The following NCALD variants were observed in gnomAD, a reference collection of about 807,000 sequenced individuals.
The protein encoded by NCALD is neurocalcin-delta.
A neutral mutation model predicts 18.6 loss-of-function variants in NCALD; 10 were observed. That is an observed-to-expected ratio of 0.54 (90% CI 0.33 to 0.91). NCALD has a LOEUF of 0.91. Ranked by LOEUF, NCALD falls within the 40% of genes least tolerant of loss-of-function variation. NCALD has a pLI of 0.03. For missense variants in NCALD, 184 were observed against 247.6 expected (o/e 0.74, Z 1.72); for synonymous variants, 88 against 87.4 (o/e 1.01, Z -0.04).
intron 2 of NCALD, among the ~76,000 whole-genome samples, chr8:102,008,981 G>A (rs555538016): frequency 2.7e-3 from 329 of 122,520 alleles, no homozygotes; most frequent in African/African-American, 9.5e-3. Context: ...CCCTAAAAGG[G>A]AAGAGGAAAA....
chr8:102,100,005 G>A (rs78782239), intron 1 of NCALD, among the ~76,000 whole-genome samples: 8 of 146,656 alleles, frequency 5.5e-5, no homozygotes, highest in East Asian at 2.0e-4. Context: ...AGAAGAAGAA[G>A]AAGAAAAAGA....
At chr8:102,080,819 G>C (rs913019722) in intron 1 of NCALD, among the ~76,000 whole-genome samples, 8 of 152,218 alleles carry the variant, frequency 5.3e-5, no homozygotes, top group Admixed American at 6.5e-5. Context: ...GGGCTCTGAG[G>C]CTCCAGCTGG....
rs1410371529 is a variant in NCALD at position 101,928,259 on chromosome 8, G to C, written c.-156-12401C>G. On this transcript the variant is annotated intron_variant, in intron 2 of 6. Coordinates refer to the NCALD transcript ENST00000311028. ...CACAGCTAACCCGGTAGAAGAACTA[G>C]GATTTATGGCCAGGCTTGTCCCACT... Among the ~76,000 whole-genome samples the C allele has an allele frequency of 3.3e-5, 5 of 152,254 alleles. No individual in the cohort carries two copies. In the East Asian group the frequency reaches 9.6e-4, roughly 29 times the overall value.
chr8:101,972,783 C>T (rs1379477356), intron 2 of NCALD, among the ~76,000 whole-genome samples: 2 of 152,146 alleles, frequency 1.3e-5, no homozygotes, highest in East Asian at 1.9e-4. Flanking sequence ...GGCAATGCTC[C>T]AGTTGGTGCA....
At chr8:102,003,003 C>T (rs1424725792) in intron 2 of NCALD, among the ~76,000 whole-genome samples, 1 of 151,904 alleles carries the variant, frequency 6.6e-6, no homozygotes, top group Non-Finnish European at 1.5e-5. Flanking sequence ...CAAAAGCTAG[C>T]AGAAGGCAAG....
intron 2 of NCALD, among the ~76,000 whole-genome samples, chr8:102,019,193 G>A (rs1207274816): frequency 6.6e-6 from 1 of 151,954 alleles, no homozygotes; most frequent in Non-Finnish European, 1.5e-5. Flanking sequence ...ATAAGGAAAT[G>A]CAAATTTAAA....
At chr8:101,826,927 C>T (rs1378360762) in intron 4 of NCALD, among the ~76,000 whole-genome samples, 1 of 152,188 alleles carries the variant, frequency 6.6e-6, no homozygotes, top group Non-Finnish European at 1.5e-5. Context: ...AATGACCACA[C>T]AAGAAATAGA....
At chr8:102,065,941 T>A (rs1823994914) in intron 1 of NCALD, among the ~76,000 whole-genome samples, 1 of 152,264 alleles carries the variant, frequency 6.6e-6, no homozygotes, top group Non-Finnish European at 1.5e-5. Context: ...TATAACTGTA[T>A]ATGATTTTAT....
chr8:102,121,732 T>C (rs1017014535), intron 1 of NCALD, among the ~76,000 whole-genome samples: 2 of 152,216 alleles, frequency 1.3e-5, no homozygotes, highest in Non-Finnish European at 2.9e-5. Context: ...ATTGTTAGTC[T>C]GCCCCTCACC....
chr8:101,809,633 A>G (rs1813233214), intron 4 of NCALD, among the ~76,000 whole-genome samples: 1 of 152,118 alleles, frequency 6.6e-6, no homozygotes, highest in South Asian at 2.1e-4. Flanking sequence ...TGCAAACTTC[A>G]TCCCCCGGGT....
chr8:102,023,476 C>T (rs764945522), intron 1 of NCALD, among the ~76,000 whole-genome samples: 2 of 152,098 alleles, frequency 1.3e-5, no homozygotes, highest in Non-Finnish European at 2.9e-5. Context: ...CTGGCAAAGA[C>T]AAATAAATAA....
chr8:101,941,705 T>G (rs1435546726), intron 2 of NCALD, among the ~76,000 whole-genome samples: 1 of 152,126 alleles, frequency 6.6e-6, no homozygotes, highest in African/African-American at 2.4e-5. Context: ...CAAAAATGTT[T>G]ATGGGGGAGT....
At chr8:101,696,689 C>T (rs1412463047) in intron 2 of NCALD, among the ~76,000 whole-genome samples, 1 of 152,226 alleles carries the variant, frequency 6.6e-6, no homozygotes, top group Non-Finnish European at 1.5e-5. Context: ...TATTCACATT[C>T]ATTTCCCAAA....
chr8:102,063,768 AG>A (rs1201739054), intron 1 of NCALD, among the ~76,000 whole-genome samples: 1 of 152,184 alleles, frequency 6.6e-6, no homozygotes, highest in African/African-American at 2.4e-5. Context: ...CTGCCTTCCC[AG>A]CATTCACACC....
chr8:102,002,318 A>G (rs1821505825), intron 2 of NCALD, among the ~76,000 whole-genome samples: 1 of 152,330 alleles, frequency 6.6e-6, no homozygotes, highest in South Asian at 2.1e-4. Context: ...ATTCAACAAG[A>G]AGAGCTAACT....
intron 1 of NCALD, among the ~76,000 whole-genome samples, chr8:101,735,018 G>A (rs764911439): frequency 6.6e-5 from 10 of 152,042 alleles, no homozygotes; most frequent in Non-Finnish European, 1.0e-4. Flanking sequence ...AGCCATTGAA[G>A]GAAGGGAAGA....
chr8:102,121,040 C>T (rs1238232385), intron 1 of NCALD, among the ~76,000 whole-genome samples: 1 of 152,176 alleles, frequency 6.6e-6, no homozygotes, highest in Non-Finnish European at 1.5e-5. Flanking sequence ...TGAGCCCAGA[C>T]CCAGCCTTGG....
At chr8:102,101,990 T>C (rs1213350222) in intron 1 of NCALD, among the ~76,000 whole-genome samples, 1 of 152,182 alleles carries the variant, frequency 6.6e-6, no homozygotes, top group Admixed American at 6.5e-5. Context: ...ACTAAGTAAA[T>C]GCAACTCTGA....
chr8:101,920,545 T>C (rs920301111), intron 2 of NCALD, among the ~76,000 whole-genome samples: 4 of 152,106 alleles, frequency 2.6e-5, no homozygotes, highest in African/African-American at 9.7e-5. Flanking sequence ...TACTATGCAG[T>C]CATAAAAAAG....
Sources: gnomAD v4.1 joint callset for allele counts (sites outside exome capture counted in the v4.1 genomes callset) on GRCh38, gnomAD v4.1.1 for gene constraint, MANE v1.5 for transcripts, NCBI Gene and HGNC (gene_info 2026-07-23, HGNC 2026-07-21) for gene names.